The following CDC73 variants were observed in gnomAD, a reference collection of about 807,000 sequenced individuals.
CDC73 encodes the protein parafibromin.
In CDC73, 21 loss-of-function variants were observed where a neutral mutation model predicts 83.7. The observed-to-expected ratio is 0.25, with a 90% CI of 0.18 to 0.36. The LOEUF (loss-of-function observed/expected upper bound fraction) is 0.36. Ranked by LOEUF, CDC73 falls within the 10% of genes least tolerant of loss-of-function variation. CDC73 has a pLI of 1.00. For synonymous variants in CDC73, 224 were observed against 212.9 expected, an observed-to-expected ratio of 1.05 and a Z score of -0.45; for missense variants, 342 against 653.3, an observed-to-expected ratio of 0.52 and a Z score of 5.19.
chr1:193,212,978 C>G (rs932327343), intron 13 of CDC73, among the ~76,000 whole-genome samples: 1 of 152,088 alleles, frequency 6.6e-6, no homozygotes, highest in African/African-American at 2.4e-5. Flanking sequence ...TTCCTCATTT[C>G]CTTATTAAAA....
chr1:193,237,131 G>C (rs1677774843), intron 15 of CDC73: 1 of 151,672 alleles, frequency 6.6e-6, no homozygotes, highest in Non-Finnish European at 1.5e-5. Flanking sequence ...TTTTAGTAGA[G>C]AGGGGGCTTC....
At chr1:193,217,416 A>G (rs763487911) in intron 13 of CDC73, among the ~76,000 whole-genome samples, 1 of 151,888 alleles carries the variant, frequency 6.6e-6, no homozygotes, top group Non-Finnish European at 1.5e-5. Flanking sequence ...GAATGAGTGC[A>G]AGGTTTTATT....
intron 7 of CDC73, among the ~76,000 whole-genome samples, chr1:193,145,074 T>C (rs1487759103): frequency 1.3e-5 from 2 of 152,202 alleles, no homozygotes; most frequent in African/African-American, 4.8e-5. Context: ...TTGTTGATAC[T>C]GTATAATTAA....
At chr1:193,230,265 C>T (rs1677638109) in intron 13 of CDC73, among the ~76,000 whole-genome samples, 1 of 151,014 alleles carries the variant, frequency 6.6e-6, no homozygotes, top group South Asian at 2.1e-4. Context: ...TTTCCTGCCT[C>T]AGCTTCCAGA....
chr1:193,139,194 TTTAC>T (rs1428929333), intron 6 of CDC73, among the ~76,000 whole-genome samples: 8 of 152,202 alleles, frequency 5.3e-5, no homozygotes, highest in Non-Finnish European at 1.0e-4. Context: ...TGTTTTCAAC[TTTAC>T]TTAATTTTTT....
In CDC73 at chr1:193,152,329, T is replaced by A. The variant is rs372353098; in HGVS notation, c.908-51T>A. The A allele has an allele frequency of 2.2e-5, 25 of 1,155,422 alleles. No individual in the cohort carries two copies. In the African/African-American group the frequency reaches 3.2e-4, roughly 15 times the overall value. The allele number at this position is 1,155,422 out of a possible 1,614,324, so 71.6% of individuals were successfully genotyped here. On this transcript the variant is annotated intron_variant, in intron 9 of 16. Coordinates refer to ENST00000367435, the MANE Select transcript of CDC73 (RefSeq NM_024529.5). ...ATTACTTTAGATTTGTTATAGGTCATAAGATACATGATCTATAAAATCTTA... is the reference window on the plus strand; with the variant it reads ...ATTACTTTAGATTTGTTATAGGTCAAAAGATACATGATCTATAAAATCTTA...
At chr1:193,122,860 G>T (rs1675486164) in intron 1 of CDC73, among the ~76,000 whole-genome samples, 1 of 152,198 alleles carries the variant, frequency 6.6e-6, no homozygotes, top group African/African-American at 2.4e-5. Flanking sequence ...GGACCGGAAA[G>T]AAATTTGGTG....
intron 2 of CDC73, among the ~76,000 whole-genome samples, chr1:193,129,084 G>T (rs1675642746): frequency 1.4e-5 from 2 of 147,328 alleles, no homozygotes; most frequent in African/African-American, 5.1e-5. Flanking sequence ...TGCAACCTCT[G>T]CCGCCCAGGT....
intron 6 of CDC73, among the ~76,000 whole-genome samples, chr1:193,139,072 C>T (rs1675854822): frequency 6.6e-6 from 1 of 152,130 alleles, no homozygotes; most frequent in African/African-American, 2.4e-5. Flanking sequence ...CCGCGCCTGG[C>T]TGAACTTTAG....
chr1:193,147,999 A>T, intron 8 of CDC73, 34 bp downstream of exon 8: 1 of 1,385,364 alleles, frequency 7.2e-7, no homozygotes, highest in Non-Finnish European at 1.0e-6. Flanking sequence ...AGTAGATTTA[A>T]TGAAGTTGCC....
intron 10 of CDC73, among the ~76,000 whole-genome samples, chr1:193,165,742 T>G (rs1676425266): frequency 6.6e-6 from 1 of 152,358 alleles, no homozygotes; most frequent in Non-Finnish European, 1.5e-5. Context: ...CATTCGTATC[T>G]CTCTCTCCCT....
chr1:193,157,327 GGAA>G (rs1315572929), intron 10 of CDC73, among the ~76,000 whole-genome samples: 10 of 152,180 alleles, frequency 6.6e-5, no homozygotes, highest in Non-Finnish European at 1.2e-4. Flanking sequence ...TGAACAGTCA[GGAA>G]GAAGAAGATG....
intron 5 of CDC73, among the ~76,000 whole-genome samples, chr1:193,136,991 T>TC (rs1558283152): frequency 1.1e-4 from 16 of 152,132 alleles, no homozygotes; most frequent in Non-Finnish European, 1.9e-4. Context: ...TACATTTTTT[T>TC]CCAAATCATT....
chr1:193,223,398 A>G (rs1177122483), intron 13 of CDC73, among the ~76,000 whole-genome samples: 1 of 152,170 alleles, frequency 6.6e-6, no homozygotes, highest in Non-Finnish European at 1.5e-5. Context: ...CATAACTTTA[A>G]ATTAAATTCT....
intron 13 of CDC73, among the ~76,000 whole-genome samples, chr1:193,226,959 G>A (rs6685991): frequency 0.031 from 4,683 of 151,874 alleles, 83 homozygotes; most frequent in Non-Finnish European, 0.045. Flanking sequence ...ACTTTTTTTT[G>A]TTGGTAATTT....
chr1:193,179,081 A>T (rs1676663425), intron 10 of CDC73: 1 of 152,222 alleles, frequency 6.6e-6, no homozygotes. Flanking sequence ...TAAAAACTTC[A>T]TAAAAGTGCA....
intron 7 of CDC73, 75 bp downstream of exon 7, chr1:193,142,141 A>G (rs1675917895): frequency 7.8e-7 from 1 of 1,281,550 alleles, no homozygotes; most frequent in Non-Finnish European, 1.1e-6. Context: ...TGGTTATAGA[A>G]TTGGTTAAAC....
chr1:193,137,675 G>C (rs1450984323), intron 5 of CDC73, among the ~76,000 whole-genome samples: 4 of 152,050 alleles, frequency 2.6e-5, no homozygotes, highest in Non-Finnish European at 4.4e-5. Context: ...AATGGATTCA[G>C]GACCTGTAGC....
chr1:193,250,361 A>G (rs948538776), intron 16 of CDC73, among the ~76,000 whole-genome samples: 9 of 151,900 alleles, frequency 5.9e-5, no homozygotes, highest in Non-Finnish European at 7.4e-5. Context: ...AGAACAGCCT[A>G]TAATCACAGT....
Sources: gnomAD v4.1 joint callset for allele counts (sites outside exome capture counted in the v4.1 genomes callset) on GRCh38, gnomAD v4.1.1 for gene constraint, MANE v1.5 for transcripts, NCBI Gene and HGNC (gene_info 2026-07-23, HGNC 2026-07-21) for gene names.